AOPEP: variants seen among roughly 807,000 people sequenced by gnomAD.
AOPEP encodes the protein aminopeptidase O (putative).
A neutral mutation model predicts 98.1 loss-of-function variants in AOPEP; 77 were observed. The ratio of observed to expected loss-of-function variants is 0.78; its 90% CI spans 0.65 to 0.95. AOPEP has a LOEUF of 0.95. Among genes scored for constraint, AOPEP ranks in the 40% least tolerant of loss-of-function variants. The probability of loss-of-function intolerance (pLI) is 0.00; values close to 1 mark genes in which losing one functional copy is unlikely to be tolerated. For synonymous variants in AOPEP, 346 were observed against 365.3 expected (o/e 0.95, Z 0.60); for missense variants, 1,024 against 1,024.7 (o/e 1.00, Z 0.01).
At chr9:94,738,398 G>A (rs1832254547) in intron 1 of AOPEP, among the ~76,000 whole-genome samples, 1 of 152,080 alleles carries the variant, frequency 6.6e-6, no homozygotes, top group African/African-American at 2.4e-5. Flanking sequence ...TCCCTGCCTT[G>A]TTCCTGGCCT....
At chr9:94,958,203 T>C (rs906433222) in intron 9 of AOPEP, among the ~76,000 whole-genome samples, 1 of 151,652 alleles carries the variant, frequency 6.6e-6, no homozygotes, top group African/African-American at 2.4e-5. Flanking sequence ...GTCATCCATG[T>C]TGCAGCATGT....
the AOPEP span, chr9:95,101,809 A>C: frequency 9.3e-6 from 15 of 1,614,032 alleles, no homozygotes; most frequent in African/African-American, 2.7e-5. Flanking sequence ...TCTGGTCAAG[A>C]AAGCCAATGA....
chr9:95,082,444 G>C, intron 15 of AOPEP, 131 bp from the exon 16 acceptor site: 2 of 1,001,500 alleles, frequency 2.0e-6, no homozygotes. Context: ...CACGGCCTCT[G>C]TCTTCTCTGG....
chr9:94,978,027 G>C (rs947149001), intron 10 of AOPEP, among the ~76,000 whole-genome samples: 1 of 152,154 alleles, frequency 6.6e-6, no homozygotes, highest in Non-Finnish European at 1.5e-5. Context: ...GAAAGGAAGA[G>C]AAAATCAGTC....
At chr9:94,997,413 T>A (rs952940572) in intron 11 of AOPEP, among the ~76,000 whole-genome samples, 1 of 152,202 alleles carries the variant, frequency 6.6e-6, no homozygotes, top group African/African-American at 2.4e-5. Context: ...TTTAGATGTC[T>A]CCCAAGCATC....
At chr9:94,970,738 GC>G (rs1364598335) in intron 10 of AOPEP, among the ~76,000 whole-genome samples, 1 of 149,434 alleles carries the variant, frequency 6.7e-6, no homozygotes, top group Non-Finnish European at 1.5e-5. Flanking sequence ...ATTTCTTCAT[GC>G]AAAAATCCCA....
intron 13 of AOPEP, among the ~76,000 whole-genome samples, chr9:95,036,289 GAAAAT>G (rs2064809739): frequency 6.6e-6 from 1 of 152,134 alleles, no homozygotes. Context: ...TTGAAAGCAT[GAAAAT>G]AAAATGTTTT....
chr9:94,933,904 CA>C (rs1409782531), intron 7 of AOPEP, among the ~76,000 whole-genome samples: 6 of 152,026 alleles, frequency 3.9e-5, no homozygotes, highest in Non-Finnish European at 7.4e-5. Context: ...CCCGCCACCA[CA>C]CCACGGCTAA....
At chr9:94,976,268 T>A (rs2059833160) in intron 10 of AOPEP, among the ~76,000 whole-genome samples, 1 of 151,800 alleles carries the variant, frequency 6.6e-6, no homozygotes. Flanking sequence ...TTTTCAGTCT[T>A]CTCTGGTGAA....
chr9:94,800,892 G>T lies in AOPEP; in HGVS notation c.1254G>T (p.Arg418=), dbSNP rs1176737224. ...LTGACQETLL[R]LIPPCLSAAH... is the part of the protein sequence containing the mutation. ...GTGCCTGCCAAGAGACCCTTCTGCG[G>T]CTGATCCCTCCTTGCCTCTCAGCAG... Residue 418 remains arginine, a synonymous_variant, in exon 5 of 17, where the codon CGG becomes CGT. Transcript: ENST00000375315. The T allele has an allele frequency of 6.2e-7, 1 of 1,614,022 alleles. No homozygotes were observed. Among genetic ancestry groups the T allele is most frequent in the Non-Finnish European group, 8.5e-7 (1 of 1,180,048 alleles).
In AOPEP at chr9:95,085,897, C is replaced by A. The variant is rs1037645669; in HGVS notation, c.*5-785C>A. ...GGCTTTCGGAGGAGCTCCTGTTGTT[C>A]TGGGCGCGGTGAACTCTCTCTTGTA... On this transcript the variant is annotated intron_variant, in intron 16 of 16. Coordinates refer to ENST00000375315, the MANE Select transcript of AOPEP (RefSeq NM_001193329.3). The A allele has an allele frequency of 5.0e-6, 6 of 1,208,108 alleles. No homozygotes were observed. In the East Asian group the frequency reaches 3.5e-4, roughly 70 times the overall value. 74.8% of individuals were successfully genotyped at this position (1,208,108 alleles called of 1,614,324 possible). A position where few individuals can be genotyped will look rare whatever the true frequency, so the allele number is the denominator to read the frequency against.
At chr9:94,760,657 G>T (rs1838055439) in intron 2 of AOPEP, 77 bp downstream of exon 2, 1 of 1,196,376 alleles carries the variant, frequency 8.4e-7, no homozygotes, top group African/African-American at 1.5e-5. Flanking sequence ...ACATGAGACC[G>T]GCTCTGCAGA....
chr9:94,903,829 G>A (rs928235158), intron 5 of AOPEP, among the ~76,000 whole-genome samples: 3 of 141,982 alleles, frequency 2.1e-5, no homozygotes, highest in Non-Finnish European at 4.5e-5. Flanking sequence ...AGGAGAAGGA[G>A]GTTGCAGTGA....
chr9:95,010,003 C>G (rs72621414), intron 13 of AOPEP, among the ~76,000 whole-genome samples: 1 of 151,700 alleles, frequency 6.6e-6, no homozygotes, highest in Non-Finnish European at 1.5e-5. Flanking sequence ...CACTCTACTT[C>G]TATTTCATTT....
the AOPEP span, among the ~76,000 whole-genome samples, chr9:95,109,989 G>A: frequency 6.6e-6 from 1 of 152,146 alleles, no homozygotes; most frequent in Admixed American, 6.5e-5. Context: ...GCAAGGAAGG[G>A]GCTCTGGAGT....
chr9:94,930,948 C>T lies in AOPEP; in HGVS notation c.1661+2417C>T, dbSNP rs1339350259. 6.6e-6 allele frequency among the ~76,000 whole-genome samples: 1 copy of T among 152,190 alleles called. No homozygotes were observed. The highest frequency in any genetic ancestry group is 1.5e-5 in the Non-Finnish European group (1 of 68,024). ...GCATGCTTACCTGCGAGCTGCCTCA[C>T]TGTGCAAATCCCTTCACCTCTTAAA... On this transcript the variant is annotated intron_variant, in intron 7 of 16. Transcript: ENST00000375315. The surrounding 1 kb of genome is among the most constrained non-coding windows in gnomAD (Gnocchi z 4.5).
chr9:95,135,831 C>G, the AOPEP span, among the ~76,000 whole-genome samples: 1 of 152,214 alleles, frequency 6.6e-6, no homozygotes, highest in Non-Finnish European at 1.5e-5. Flanking sequence ...TGCCCAGTCC[C>G]TAACTGAAGA....
intron 5 of AOPEP, among the ~76,000 whole-genome samples, chr9:94,882,754 C>T (rs544305627): frequency 1.5e-4 from 23 of 152,130 alleles, no homozygotes; most frequent in Admixed American, 4.6e-4. Context: ...CCAGCCTGGG[C>T]GTCGCGAGAC....
At chr9:94,974,528 G>A (rs1348032932) in intron 10 of AOPEP, among the ~76,000 whole-genome samples, 1 of 152,220 alleles carries the variant, frequency 6.6e-6, no homozygotes, top group East Asian at 1.9e-4. Flanking sequence ...AGGGCCTTTT[G>A]CCTCTGGATG....
Sources: allele counts gnomAD v4.1 joint callset (sites outside exome capture counted in the v4.1 genomes callset), GRCh38; gene constraint gnomAD v4.1.1; non-coding constraint Gnocchi (gnomAD v3.1); transcripts MANE v1.5; gene names NCBI Gene and HGNC (gene_info 2026-07-23, HGNC 2026-07-21).